Variants in GCA observed in about 807,000 individuals in gnomAD.
The protein encoded by GCA is grancalcin, also known as grancalcin, EF-hand calcium-binding protein.
In GCA, 30 loss-of-function variants were observed where a neutral mutation model predicts 32.6. The ratio of observed to expected loss-of-function variants is 0.92; its 90% CI spans 0.69 to 1.25. GCA has a LOEUF of 1.25. Ranked by LOEUF, GCA falls within the 50% of genes most tolerant of loss-of-function variation. The pLI is 0.00. For synonymous variants in GCA, 102 were observed against 84.6 expected (o/e 1.21, Z -1.13); for missense variants, 291 against 266.8 (o/e 1.09, Z -0.63).
chr2:162,336,462 C>G (rs1441311391), intron 1 of GCA, among the ~76,000 whole-genome samples: 1 of 152,016 alleles, frequency 6.6e-6, no homozygotes, highest in African/African-American at 2.4e-5. Flanking sequence ...CAGTAACAAC[C>G]ATTTTCTTAG....
chr2:162,373,003 A>C (rs775573799), downstream of GCA, among the ~76,000 whole-genome samples: 2 of 152,138 alleles, frequency 1.3e-5, no homozygotes, highest in Non-Finnish European at 1.5e-5. Context: ...CCTCAGGTCT[A>C]ATCTGGCCAG....
At chr2:162,363,898 C>T (rs139888944), downstream of GCA, among the ~76,000 whole-genome samples, 193 of 151,552 alleles carry the variant, frequency 1.3e-3, 1 homozygote, top group Middle Eastern at 0.027. Flanking sequence ...AGTGAGTAGA[C>T]ATTGGCAACA....
At chr2:162,359,330 T>A (rs1685452013) in intron 6 of GCA, 164 bp from the exon 7 acceptor site, 1 of 597,184 alleles carries the variant, frequency 1.7e-6, no homozygotes, top group African/African-American at 1.9e-5. Flanking sequence ...ATAAAAACGT[T>A]ATGTTATTTT....
At chr2:162,329,317 A>G (rs935331959) in intron 1 of GCA, among the ~76,000 whole-genome samples, 1 of 152,176 alleles carries the variant, frequency 6.6e-6, no homozygotes, top group Middle Eastern at 3.2e-3. Flanking sequence ...TAATTGAAAA[A>G]GTCTTAAAGT....
At position 162,322,247 on chromosome 2, in the gene GCA, A is replaced by G. The variant is rs540560960; in HGVS notation, c.-31+3022A>G. On this transcript the variant is annotated intron_variant, in intron 1 of 4. Coordinates refer to the GCA transcript ENST00000429691. ...GGCAAAAAATGAAAGTCACGTATCA[A>G]TAGATAAGTTTTGGAACATTCATTT... Among the ~76,000 whole-genome samples, 12 of 151,662 alleles carry G rather than the reference A, an allele frequency of 7.9e-5. 1 individual carries two copies. In the South Asian group the frequency reaches 2.5e-3, roughly 31 times the overall value.
intron 1 of GCA, among the ~76,000 whole-genome samples, chr2:162,327,400 A>C (rs1683923865): frequency 6.6e-6 from 1 of 152,156 alleles, no homozygotes; most frequent in South Asian, 2.1e-4. Flanking sequence ...AAAAAACAGT[A>C]AAAGGGGCAA....
intron 6 of GCA, 139 bp from the exon 7 acceptor site, chr2:162,359,355 A>T (rs1341978983): frequency 5.1e-6 from 3 of 590,650 alleles, no homozygotes; most frequent in Non-Finnish European, 9.0e-6. Flanking sequence ...AGTTTTTCTC[A>T]TATCTCTGTT....
At chr2:162,373,136 G>T (rs1686024471), downstream of GCA, among the ~76,000 whole-genome samples, 1 of 152,078 alleles carries the variant, frequency 6.6e-6, no homozygotes, top group Admixed American at 6.6e-5. Context: ...CCTTTTAAGA[G>T]CCAGGAAGAC....
At chr2:162,346,104 G>A (rs1298751875) in intron 1 of GCA, among the ~76,000 whole-genome samples, 1 of 151,938 alleles carries the variant, frequency 6.6e-6, no homozygotes, top group Non-Finnish European at 1.5e-5. Context: ...TCAATGTAAA[G>A]GACTTTTTTC....
Position 162,344,135 on chromosome 2 carries a change from G to T in GCA, c.-114G>T. Reference sequence around the variant, plus strand: ...CGGAGGAGTGAACTGTGCGGTTAGTGCGCCTTTCAGCCTCACCTGCAGCTG... The same window carrying T: ...CGGAGGAGTGAACTGTGCGGTTAGTTCGCCTTTCAGCCTCACCTGCAGCTG... On this transcript the variant is annotated 5_prime_UTR_variant, in exon 1 of 8. Transcript: ENST00000437150. 9.0e-7 allele frequency: 1 copy of T among 1,106,190 alleles called. No individual in the cohort carries two copies. The highest frequency in any genetic ancestry group is 1.3e-5 in the South Asian group (1 of 75,034). 68.5% of individuals were successfully genotyped at this position (1,106,190 alleles called of 1,614,324 possible). A position where few individuals can be genotyped will look rare whatever the true frequency, so the allele number is the denominator to read the frequency against.
At chr2:162,373,388 A>G, downstream of GCA, 1 of 1,002,250 alleles carries the variant, frequency 1.0e-6, no homozygotes, top group Non-Finnish European at 1.4e-6. Flanking sequence ...CCTTTTCCAC[A>G]GCACCCCAAG....
At position 162,360,660 on chromosome 2, in the gene GCA, G is replaced by T; in HGVS notation, c.*417G>T. Reference sequence around the variant, plus strand: ...AGACTTTTAAATTTTCTTTGTAGTTGGTGGTGTTTGAGGGTTGGCTAGAAA... The same window carrying T: ...AGACTTTTAAATTTTCTTTGTAGTTTGTGGTGTTTGAGGGTTGGCTAGAAA... On this transcript the variant is annotated 3_prime_UTR_variant, in exon 8 of 8. Coordinates refer to ENST00000437150, the MANE Select transcript of GCA (RefSeq NM_012198.5). The T allele has an allele frequency of 7.7e-7, 1 of 1,291,300 alleles. No individual in the cohort carries two copies. Among genetic ancestry groups the T allele is most frequent in the South Asian group, 2.5e-5 (1 of 39,818 alleles). The allele number at this position is 1,291,300 out of a possible 1,614,324, so 80.0% of individuals were successfully genotyped here. A position where few individuals can be genotyped will look rare whatever the true frequency, so the allele number is the denominator to read the frequency against.
chr2:162,352,510 A>G, intron 3 of GCA, 103 bp downstream of exon 3: 2 of 725,142 alleles, frequency 2.8e-6, no homozygotes. Flanking sequence ...TCACAGTTAT[A>G]CATGCACATA....
chr2:162,359,851 G>T (rs558797020), intron 7 of GCA, among the ~76,000 whole-genome samples: 2 of 151,128 alleles, frequency 1.3e-5, no homozygotes, highest in South Asian at 2.1e-4. Flanking sequence ...TTTTAAAAAG[G>T]GTAGTTTACT....
Position 162,362,131 on chromosome 2 carries a change from T to G in GCA, c.*1888T>G. 1.0e-6 allele frequency: 1 copy of G among 984,686 alleles called. No individual in the cohort carries two copies. Among genetic ancestry groups the G allele is most frequent in the African/African-American group, 1.7e-5 (1 of 57,282 alleles). 61.0% of individuals were successfully genotyped at this position (984,686 alleles called of 1,614,324 possible). A position where few individuals can be genotyped will look rare whatever the true frequency, so the allele number is the denominator to read the frequency against. On this transcript the variant is annotated 3_prime_UTR_variant, in exon 8 of 8. Transcript: ENST00000437150. ...GAAGGAGCTTCCATGGCCAAACATA[T>G]TTAGAAACTCTCACTTTCTAAAGCT...
At chr2:162,325,868 C>T (rs980263633) in intron 1 of GCA, among the ~76,000 whole-genome samples, 8 of 151,960 alleles carry the variant, frequency 5.3e-5, no homozygotes, top group Non-Finnish European at 1.0e-4. Context: ...TTGCCAAGGT[C>T]CCCCTTCATT....
intron 1 of GCA, among the ~76,000 whole-genome samples, chr2:162,333,482 G>A (rs1329889842): frequency 6.6e-6 from 1 of 152,054 alleles, no homozygotes; most frequent in Non-Finnish European, 1.5e-5. Flanking sequence ...GCTTTGGGGA[G>A]CTTGCAGAGT....
chr2:162,339,938 G>A (rs1016343200), upstream of GCA, among the ~76,000 whole-genome samples: 7 of 152,176 alleles, frequency 4.6e-5, no homozygotes, highest in Middle Eastern at 3.2e-3. Flanking sequence ...TTTAGAAGTC[G>A]TCAGAATTAT....
At chr2:162,347,464 G>T in intron 1 of GCA, 114 bp from the exon 2 acceptor site, 1 of 576,580 alleles carries the variant, frequency 1.7e-6, no homozygotes, top group South Asian at 4.1e-5. Flanking sequence ...AAGATTATAA[G>T]CTTTTGGTAA....
Sources: allele counts gnomAD v4.1 joint callset (sites outside exome capture counted in the v4.1 genomes callset), GRCh38; gene constraint gnomAD v4.1.1; transcripts MANE v1.5; gene names NCBI Gene and HGNC (gene_info 2026-07-23, HGNC 2026-07-21).